Variants in NECAB1 observed in about 807,000 individuals in gnomAD.
NECAB1 encodes N-terminal EF-hand calcium binding protein 1.
Under a neutral mutation model 57.5 loss-of-function variants are expected in NECAB1, and 29 were observed. That is an observed-to-expected ratio of 0.50 (90% confidence interval 0.38 to 0.69). The LOEUF (loss-of-function observed/expected upper bound fraction) is 0.69, where lower values mean the gene tolerates loss of function less well. Ranked by LOEUF, NECAB1 falls within the 30% of genes least tolerant of loss-of-function variation. NECAB1 has a pLI of 0.00. For missense variants in NECAB1, 372 were observed against 413.8 expected (o/e 0.90, Z 0.88); for synonymous variants, 142 against 147.7 (o/e 0.96, Z 0.28).
At chr8:90,853,986 A>G (rs1812741096) in intron 3 of NECAB1, among the ~76,000 whole-genome samples, 1 of 152,168 alleles carries the variant, frequency 6.6e-6, no homozygotes, top group Admixed American at 6.5e-5. Context: ...TGGTTAGGCA[A>G]TCATAGGGGA....
At chr8:90,945,451 C>T (rs1481007843) in intron 10 of NECAB1, among the ~76,000 whole-genome samples, 2 of 152,164 alleles carry the variant, frequency 1.3e-5, no homozygotes, top group South Asian at 2.1e-4. Flanking sequence ...CCGCCCACCT[C>T]GGCCTCCCAA....
At chr8:90,830,813 A>C (rs1331788929) in intron 3 of NECAB1, among the ~76,000 whole-genome samples, 1 of 152,142 alleles carries the variant, frequency 6.6e-6, no homozygotes, top group Non-Finnish European at 1.5e-5. Context: ...CAGAGGAACC[A>C]CAAAGCTGTG....
chr8:90,863,292 A>G (rs1808444808), intron 3 of NECAB1, among the ~76,000 whole-genome samples: 1 of 152,150 alleles, frequency 6.6e-6, no homozygotes, highest in Admixed American at 6.5e-5. Context: ...ATACTAGTAG[A>G]AAGATCAAGC....
chr8:90,870,223 T>C (rs1401599402), intron 3 of NECAB1, among the ~76,000 whole-genome samples: 3 of 152,162 alleles, frequency 2.0e-5, no homozygotes, highest in African/African-American at 7.2e-5. Context: ...TCTTTGTAAA[T>C]TACCCAGTCT....
intron 8 of NECAB1, among the ~76,000 whole-genome samples, chr8:90,933,376 C>T (rs907846986): frequency 6.6e-5 from 10 of 152,032 alleles, no homozygotes; most frequent in African/African-American, 1.9e-4. Context: ...TGTGTATGTA[C>T]GATGGAATAC....
chr8:90,841,725 T>C (rs1051283610), intron 3 of NECAB1, among the ~76,000 whole-genome samples: 4 of 152,130 alleles, frequency 2.6e-5, no homozygotes, highest in Non-Finnish European at 4.4e-5. Context: ...ATTCTGGGTT[T>C]CAGTATTGAG....
At chr8:90,814,291 T>G (rs950826466) in intron 2 of NECAB1, among the ~76,000 whole-genome samples, 29 of 152,332 alleles carry the variant, frequency 1.9e-4, no homozygotes, top group African/African-American at 6.7e-4. Context: ...AGGATACATA[T>G]GATCAATATG....
intron 2 of NECAB1, among the ~76,000 whole-genome samples, chr8:90,820,733 TA>T (rs901754616): frequency 3.9e-4 from 58 of 148,994 alleles, no homozygotes; most frequent in Non-Finnish European, 6.6e-4. Flanking sequence ...CCTGATTACC[TA>T]AAAAAAAAGT....
At chr8:90,934,537 C>T (rs1200424890) in intron 9 of NECAB1, among the ~76,000 whole-genome samples, 180 bp downstream of exon 9, 2 of 152,122 alleles carry the variant, frequency 1.3e-5, no homozygotes, top group East Asian at 3.8e-4. Context: ...ACCTACTTCA[C>T]AGTTTTTGCA....
At position 90,898,878 on chromosome 8, in the gene NECAB1, G is replaced by A. The variant is rs79779058; in HGVS notation, c.357+17748G>A. The stretch of plus-strand genomic sequence containing the variant: ...ATTTGTCTCATCCCAACTGAGATTC[G>A]TTCATGTGGCACAAGTATTTATGGA... On this transcript the variant is annotated intron_variant, in intron 5 of 12. Transcript: ENST00000417640. 5.8e-3 allele frequency among the ~76,000 whole-genome samples: 879 copies of A among 152,274 alleles called. 1 individual carries two copies. The highest frequency in any genetic ancestry group is 8.9e-3 in the Non-Finnish European group (608 of 68,028).
intron 9 of NECAB1, among the ~76,000 whole-genome samples, chr8:90,937,453 T>C (rs1377122893): frequency 6.6e-6 from 1 of 152,128 alleles, no homozygotes; most frequent in Non-Finnish European, 1.5e-5. Context: ...GATGAAATCA[T>C]AATAAATAGA....
chr8:90,896,448 C>CA (rs1007330160), intron 5 of NECAB1, among the ~76,000 whole-genome samples: 5 of 151,552 alleles, frequency 3.3e-5, no homozygotes, highest in Admixed American at 2.0e-4. Flanking sequence ...ACTAAAAATA[C>CA]AAAAAAATTA....
chr8:90,904,893 A>T (rs909890274), intron 5 of NECAB1, among the ~76,000 whole-genome samples: 2 of 152,302 alleles, frequency 1.3e-5, no homozygotes, highest in Admixed American at 6.5e-5. Context: ...ATATGAAAAC[A>T]AAAGAGTTAA....
intron 5 of NECAB1, chr8:90,904,031 G>A (rs573677466): frequency 6.6e-6 from 1 of 152,132 alleles, no homozygotes; most frequent in Non-Finnish European, 1.5e-5. Flanking sequence ...ATAAACAAAG[G>A]GGGAAAGAAG....
rs369688078 is a variant in NECAB1 at position 90,851,583 on chromosome 8, A to G, written c.234-20545A>G. ...AGTATTTTGTGGGTATAGAAAAAAA[A>G]GGGGGCATCTTTTATTTCCATTTTT... is the stretch of plus-strand genomic sequence containing the variant. On this transcript the variant is annotated intron_variant, in intron 3 of 12. Transcript: ENST00000417640. 1.9e-3 allele frequency among the ~76,000 whole-genome samples: 295 copies of G among 152,310 alleles called. 1 individual carries two copies. Among genetic ancestry groups the G allele is most frequent in the African/African-American group, 6.9e-3 (286 of 41,554 alleles).
intron 3 of NECAB1, among the ~76,000 whole-genome samples, chr8:90,863,890 AT>A (rs1170752738): frequency 2.6e-5 from 4 of 152,156 alleles, no homozygotes; most frequent in Non-Finnish European, 4.4e-5. Flanking sequence ...CACAACCCAC[AT>A]TTCTTGGAAA....
Position 90,947,319 on chromosome 8 carries a change from C to A in NECAB1, c.861-2488C>A, listed in dbSNP as rs1475319901. Among the ~76,000 whole-genome samples, 55 of 145,900 alleles carry A rather than the reference C, an allele frequency of 3.8e-4. 1 individual carries two copies. Among genetic ancestry groups the A allele is most frequent in the Admixed American group, 3.6e-3 (53 of 14,582 alleles). ...AACAACACATACACACACACACACACACACACACACACACACACACACACA... is the reference window on the plus strand; with the variant it reads ...AACAACACATACACACACACACACAAACACACACACACACACACACACACA... On this transcript the variant is annotated intron_variant, in intron 10 of 12. Transcript: ENST00000417640.
At chr8:90,937,737 C>G (rs1404052621) in intron 9 of NECAB1, among the ~76,000 whole-genome samples, 5 of 152,184 alleles carry the variant, frequency 3.3e-5, no homozygotes, top group Non-Finnish European at 5.9e-5. Context: ...TTCAAAAACT[C>G]AGACTTTTCT....
chr8:90,863,978 G>A (rs536855342), intron 3 of NECAB1, among the ~76,000 whole-genome samples: 2 of 152,244 alleles, frequency 1.3e-5, no homozygotes, highest in East Asian at 3.9e-4. Flanking sequence ...GTGACTCAAA[G>A]TGCGGGTCAC....
Sources: gnomAD v4.1 joint callset for allele counts (sites outside exome capture counted in the v4.1 genomes callset) on GRCh38, gnomAD v4.1.1 for gene constraint, MANE v1.5 for transcripts, NCBI Gene and HGNC (gene_info 2026-07-23, HGNC 2026-07-21) for gene names.